CREB5: variants seen among roughly 807,000 people sequenced by gnomAD.
The protein encoded by CREB5 is cAMP responsive element binding protein 5.
Under a neutral mutation model 57.1 loss-of-function variants are expected in CREB5, and 19 were observed. The ratio of observed to expected loss-of-function variants is 0.33; its 90% CI spans 0.23 to 0.49. CREB5 has a LOEUF of 0.49. Among genes scored for constraint, CREB5 ranks in the 20% least tolerant of loss-of-function variants. The pLI, the probability that CREB5 is intolerant of heterozygous loss-of-function variation, is 0.99. For synonymous variants in CREB5, 238 were observed against 238.3 expected, an observed-to-expected ratio of 1.00 and a Z score of 0.01; for missense variants, 579 against 671.6, an observed-to-expected ratio of 0.86 and a Z score of 1.52.
In CREB5 at chr7:28,597,648, C is replaced by T. The variant is rs368423143; in HGVS notation, c.464+27111C>T. ...GATTGAGGTGGAATTAATGATTGAT[C>T]CTCTTTGTCTCATCCTAGAATGACA... On this transcript the variant is annotated intron_variant, in intron 5 of 10. Coordinates refer to ENST00000357727, the MANE Select transcript of CREB5 (RefSeq NM_182898.4). Among the ~76,000 whole-genome samples, 21 of 152,182 alleles carry T rather than the reference C, an allele frequency of 1.4e-4. No homozygotes were observed. In the East Asian group the frequency reaches 3.5e-3, roughly 25 times the overall value.
At position 28,431,249 on chromosome 7, in the gene CREB5, A is replaced by G. The variant is rs73073907; in HGVS notation, c.3+18332A>G. Among the ~76,000 whole-genome samples, 1,501 of 152,346 alleles carry G rather than the reference A, an allele frequency of 9.9e-3. 15 individuals carry two copies. Among genetic ancestry groups the G allele is most frequent in the Non-Finnish European group, 0.017 (1,130 of 68,038 alleles). ...GTACCTATGGCAAGAAGAAGATGTA[A>G]GTTTGTACCAGAGGACGGGTCACTG... On this transcript the variant is annotated intron_variant, in intron 1 of 10. Transcript: ENST00000357727.
At chr7:28,768,994 G>A (rs535889368) in intron 7 of CREB5, among the ~76,000 whole-genome samples, 10 of 152,226 alleles carry the variant, frequency 6.6e-5, no homozygotes, top group Non-Finnish European at 1.5e-4. Flanking sequence ...ATATAAATGA[G>A]TGAGCATTGA....
At chr7:28,407,744 G>A (rs566911799), upstream of CREB5, among the ~76,000 whole-genome samples, 5 of 152,238 alleles carry the variant, frequency 3.3e-5, no homozygotes, top group South Asian at 1.0e-3. Flanking sequence ...AGGGCAAGGG[G>A]CCACTTAAAC....
rs962199649 is a variant in CREB5 at position 28,685,063 on chromosome 7, C to G, written c.465-33690C>G. Reference sequence around the variant, plus strand: ...CCTCCCCAGGCTGTTTTTCCTCACTCTGTAATTAAAAAAGAGACACACATA... The same window carrying G: ...CCTCCCCAGGCTGTTTTTCCTCACTGTGTAATTAAAAAAGAGACACACATA... On this transcript the variant is annotated intron_variant, in intron 5 of 10. Coordinates refer to ENST00000357727, the MANE Select transcript of CREB5 (RefSeq NM_182898.4). Among the ~76,000 whole-genome samples, 5 of 152,148 alleles carry G rather than the reference C, an allele frequency of 3.3e-5. No individual in the cohort carries two copies. The South Asian group carries it at 1.0e-3, about 32-fold the overall frequency.
intron 1 of CREB5, among the ~76,000 whole-genome samples, chr7:28,369,730 G>A (rs541263829): frequency 7.2e-4 from 110 of 152,282 alleles, no homozygotes; most frequent in Admixed American, 7.8e-4. Flanking sequence ...GGCAGACCCT[G>A]GGGAGTCCTG....
chr7:28,343,232 G>A (rs1037898443), intron 1 of CREB5, among the ~76,000 whole-genome samples: 8 of 152,274 alleles, frequency 5.3e-5, no homozygotes, highest in East Asian at 3.9e-4. Context: ...GAGCCACTGC[G>A]CCTGGCCTGA....
At chr7:28,320,451 C>A (rs555149243) in intron 1 of CREB5, among the ~76,000 whole-genome samples, 5 of 152,186 alleles carry the variant, frequency 3.3e-5, no homozygotes, top group Non-Finnish European at 7.3e-5. Flanking sequence ...AGAACATGGA[C>A]CACGTAGGAG....
At chr7:28,590,544 G>T (rs1242045554) in intron 5 of CREB5, among the ~76,000 whole-genome samples, 1 of 102,664 alleles carries the variant, frequency 9.7e-6, no homozygotes, top group African/African-American at 3.7e-5. Context: ...GGGGGGAGGG[G>T]GGAGGGATAG....
intron 5 of CREB5, among the ~76,000 whole-genome samples, chr7:28,671,776 G>T (rs950990122): frequency 1.4e-4 from 21 of 152,330 alleles, no homozygotes; most frequent in African/African-American, 4.8e-4. Context: ...CCTTGGGCAA[G>T]TTACTTCACC....
At chr7:28,451,851 C>T (rs1257043242) in intron 1 of CREB5, among the ~76,000 whole-genome samples, 1 of 151,988 alleles carries the variant, frequency 6.6e-6, no homozygotes, top group Non-Finnish European at 1.5e-5. Context: ...AAAAGTGATC[C>T]CTGAGCTCAC....
At chr7:28,339,504 G>C (rs1328817648) in intron 1 of CREB5, among the ~76,000 whole-genome samples, 1 of 152,012 alleles carries the variant, frequency 6.6e-6, no homozygotes. Flanking sequence ...CTCTCTATGG[G>C]CTGAGCTGCC....
chr7:28,674,205 T>C (rs780582367), intron 5 of CREB5, among the ~76,000 whole-genome samples: 1 of 152,082 alleles, frequency 6.6e-6, no homozygotes, highest in Admixed American at 6.6e-5. Flanking sequence ...TTTTCAACCA[T>C]AGGGGAAAGG....
At chr7:28,722,909 C>T (rs930040513) in intron 6 of CREB5, among the ~76,000 whole-genome samples, 12 of 152,188 alleles carry the variant, frequency 7.9e-5, no homozygotes, top group Non-Finnish European at 1.6e-4. Context: ...TAATTATACC[C>T]CTGCTCCGAG....
intron 1 of CREB5, among the ~76,000 whole-genome samples, chr7:28,388,340 T>C (rs934794605): frequency 6.6e-6 from 1 of 152,198 alleles, no homozygotes; most frequent in African/African-American, 2.4e-5. Context: ...TCTGTGGAAG[T>C]TGCACCCTTC....
In CREB5 at chr7:28,453,016, G is replaced by A. The variant is rs574291497; in HGVS notation, c.4-35159G>A. ...ATGTGCAGCCCGACATGGGTGCCTTGTGTTGGCAACACTGATTTTCCCAAA... is the reference window on the plus strand; with the variant it reads ...ATGTGCAGCCCGACATGGGTGCCTTATGTTGGCAACACTGATTTTCCCAAA... On this transcript the variant is annotated intron_variant, in intron 1 of 10. Transcript: ENST00000357727. Among the ~76,000 whole-genome samples the A allele has an allele frequency of 2.0e-5, 3 of 152,354 alleles. No homozygotes were observed. The East Asian group carries it at 5.8e-4, about 29-fold the overall frequency.
intron 1 of CREB5, among the ~76,000 whole-genome samples, chr7:28,472,194 G>C (rs1296010462): frequency 6.6e-6 from 1 of 151,056 alleles, no homozygotes; most frequent in Non-Finnish European, 1.5e-5. Flanking sequence ...CTTAGGTTTG[G>C]TTATATGGGA....
intron 1 of CREB5, among the ~76,000 whole-genome samples, chr7:28,300,298 C>A (rs922197942): frequency 7.2e-5 from 11 of 152,060 alleles, no homozygotes; most frequent in African/African-American, 2.7e-4. Context: ...AGATAATTTG[C>A]TTGTCTAATA....
At chr7:28,593,365 C>T (rs28534751) in intron 5 of CREB5, among the ~76,000 whole-genome samples, 18,385 of 152,210 alleles carry the variant, frequency 0.12, 1,245 homozygotes, top group Middle Eastern at 0.2. Flanking sequence ...TCTCCTGCCT[C>T]AGCCTCCTGA....
At chr7:28,380,048 G>A (rs1786936034) in intron 1 of CREB5, among the ~76,000 whole-genome samples, 1 of 151,742 alleles carries the variant, frequency 6.6e-6, no homozygotes, top group Admixed American at 6.6e-5. Flanking sequence ...CACCATGCCT[G>A]GCTGGAAATC....
Sources: gnomAD v4.1 joint callset for allele counts (sites outside exome capture counted in the v4.1 genomes callset) on GRCh38, gnomAD v4.1.1 for gene constraint, MANE v1.5 for transcripts, NCBI Gene and HGNC (gene_info 2026-07-23, HGNC 2026-07-21) for gene names.